The following TIAM2 variants were observed in gnomAD, a reference collection of about 807,000 sequenced individuals.
The protein encoded by TIAM2 is TIAM Rac1 associated GEF 2, also known as rho guanine nucleotide exchange factor TIAM2.
A neutral mutation model predicts 152.9 loss-of-function variants in TIAM2; 80 were observed. That is an observed-to-expected ratio of 0.52 (90% CI 0.44 to 0.63). The LOEUF is 0.63. Ranked by LOEUF, TIAM2 falls within the 30% of genes least tolerant of loss-of-function variation. The pLI, the probability that TIAM2 is intolerant of heterozygous loss-of-function variation, is 0.00. For synonymous variants in TIAM2, 804 were observed against 838.0 expected, an observed-to-expected ratio of 0.96 and a Z score of 0.70; for missense variants, 1,965 against 2,120.1, an observed-to-expected ratio of 0.93 and a Z score of 1.44.
intron 1 of TIAM2, among the ~76,000 whole-genome samples, chr6:155,063,988 G>A (rs1777639970): frequency 6.6e-6 from 1 of 152,100 alleles, no homozygotes; most frequent in Admixed American, 6.6e-5. Context: ...TTTATATGGA[G>A]TCCCGTATGA....
At chr6:155,110,918 C>T (rs1778832286) in intron 2 of TIAM2, among the ~76,000 whole-genome samples, 1 of 152,182 alleles carries the variant, frequency 6.6e-6, no homozygotes, top group Non-Finnish European at 1.5e-5. Context: ...ATTGTTCAAG[C>T]ACTGGAAAGT....
At chr6:155,146,753 C>T (rs1385356373) in intron 6 of TIAM2, among the ~76,000 whole-genome samples, 10 of 145,146 alleles carry the variant, frequency 6.9e-5, no homozygotes, top group East Asian at 2.0e-4. Flanking sequence ...AGGTGCCCGC[C>T]GCTATGCCTG....
chr6:155,081,070 G>A (rs956063293), intron 1 of TIAM2, among the ~76,000 whole-genome samples: 10 of 152,158 alleles, frequency 6.6e-5, no homozygotes, highest in East Asian at 1.9e-4. Flanking sequence ...TTAGTGAATC[G>A]TTAGCTTTTG....
At position 155,144,778 on chromosome 6, in the gene TIAM2, G is replaced by A; in HGVS notation, c.1803G>A (p.Gln601=). 3.7e-6 allele frequency: 6 copies of A among 1,603,280 alleles called. No homozygotes were observed. The highest frequency in any genetic ancestry group is 5.1e-6 in the Non-Finnish European group (6 of 1,176,824). The change falls in exon 6 of 27, where the codon CAG becomes CAA. Residue 601 remains glutamine (Q), a splice_region_variant and synonymous_variant. Coordinates refer to ENST00000682666, the MANE Select transcript of TIAM2 (RefSeq NM_012454.4). ...CCTTTGGAGATGTCTACCTTTTCCA[G>A]GTACTGCTGGTACTTTGTAAGTGGA... ...SNSFGDVYLF[Q]ATSQTDLENW...
At chr6:155,143,321 C>T in intron 5 of TIAM2, among the ~76,000 whole-genome samples, 1 of 152,160 alleles carries the variant, frequency 6.6e-6, no homozygotes, top group Non-Finnish European at 1.5e-5. Flanking sequence ...ATGAAGCAAA[C>T]TCTTAATAAC....
chr6:155,074,259 A>G (rs1050050384), intron 1 of TIAM2, among the ~76,000 whole-genome samples: 7 of 152,218 alleles, frequency 4.6e-5, no homozygotes, highest in Non-Finnish European at 1.0e-4. Context: ...TTTCCTTTGT[A>G]AAATAGTGCA....
intron 2 of TIAM2, among the ~76,000 whole-genome samples, chr6:155,103,555 C>T (rs9480053): frequency 6.6e-6 from 1 of 151,054 alleles, no homozygotes; most frequent in Non-Finnish European, 1.5e-5. Flanking sequence ...GAAACCCTGT[C>T]TCTTCTAAAA....
At chr6:155,221,610 C>T (rs1195224133) in intron 15 of TIAM2, among the ~76,000 whole-genome samples, 1 of 152,134 alleles carries the variant, frequency 6.6e-6, no homozygotes, top group African/African-American at 2.4e-5. Context: ...AGTCATCAGC[C>T]AGCTCCCTGC....
chr6:155,234,437 C>T (rs558335685), intron 15 of TIAM2, among the ~76,000 whole-genome samples: 2 of 152,314 alleles, frequency 1.3e-5, no homozygotes, highest in South Asian at 4.2e-4. Flanking sequence ...GCCAGCTAAT[C>T]TTTTTATCTT....
chr6:155,179,861 T>TC (rs1780854141), intron 12 of TIAM2, among the ~76,000 whole-genome samples: 1 of 152,176 alleles, frequency 6.6e-6, no homozygotes, highest in Non-Finnish European at 1.5e-5. Context: ...TCCTCTTTCT[T>TC]CCCCCATCCC....
At chr6:155,093,011 G>A (rs1408132519) in intron 2 of TIAM2, among the ~76,000 whole-genome samples, 2 of 152,132 alleles carry the variant, frequency 1.3e-5, no homozygotes, top group African/African-American at 4.8e-5. Flanking sequence ...CTTATAATAA[G>A]TTATACTTCT....
chr6:155,240,526 T>C lies in TIAM2; in HGVS notation c.3169-4T>C. ...ATTATTTTCCACCTCTTGTCCTCTC[T>C]CAGAGTGCTGAGCAGATCACTGCAC... On this transcript the variant is annotated splice_region_variant and splice_polypyrimidine_tract_variant and intron_variant, in intron 15 of 26. Coordinates refer to ENST00000682666, the MANE Select transcript of TIAM2 (RefSeq NM_012454.4). The C allele has an allele frequency of 6.2e-7, 1 of 1,602,080 alleles. No homozygotes were observed.
At chr6:155,108,607 T>C (rs1246871099) in intron 2 of TIAM2, among the ~76,000 whole-genome samples, 1 of 152,206 alleles carries the variant, frequency 6.6e-6, no homozygotes, top group Non-Finnish European at 1.5e-5. Context: ...GGAGTGACTT[T>C]CCAAAGCCCT....
intron 14 of TIAM2, among the ~76,000 whole-genome samples, chr6:155,207,375 G>C (rs1781621427): frequency 6.6e-6 from 1 of 152,216 alleles, no homozygotes. Flanking sequence ...GGCAGCTGTG[G>C]ACACTGTCCA....
intron 5 of TIAM2, among the ~76,000 whole-genome samples, chr6:155,140,461 A>C (rs7759406): frequency 2.0e-5 from 3 of 151,754 alleles, no homozygotes; most frequent in African/African-American, 7.3e-5. Flanking sequence ...ATTCTGTGAG[A>C]ATTTCTTCCC....
chr6:155,233,803 A>G (rs1047691525), intron 15 of TIAM2, among the ~76,000 whole-genome samples: 5 of 152,050 alleles, frequency 3.3e-5, no homozygotes, highest in African/African-American at 1.2e-4. Flanking sequence ...CTCTACTAAA[A>G]ATCAAAAGAA....
chr6:155,239,641 T>C (rs1782932223), intron 15 of TIAM2, among the ~76,000 whole-genome samples: 1 of 152,254 alleles, frequency 6.6e-6, no homozygotes, highest in Admixed American at 6.5e-5. Flanking sequence ...CAAAGGCCAG[T>C]GGTCCCCCCA....
rs1477668599 is a variant in TIAM2, at chr6:155,179,050, G to A, written c.2535G>A (p.Leu845=). 1 of 1,613,512 alleles carries A rather than the reference G, an allele frequency of 6.2e-7. No individual in the cohort carries two copies. Among genetic ancestry groups the A allele is most frequent in the Non-Finnish European group, 8.5e-7 (1 of 1,179,612 alleles). The change falls in exon 11 of 27, where the codon TTG becomes TTA. Residue 845 remains leucine (L), a synonymous_variant. Transcript: ENST00000682666. ...CTTTTTCTTTATAGATGAGGCAGTT[G>A]GAACCCAGCCATTATGGCCTACAGC... is the stretch of plus-strand genomic sequence containing the variant. ...ILTLACKMRQ[L]EPSHYGLQLR... is the part of the protein sequence containing the mutation.
chr6:155,031,221 CTT>C lies in TIAM2; in HGVS notation c.-209+35731_-209+35732del, dbSNP rs373188880. 8.7e-4 allele frequency among the ~76,000 whole-genome samples: 133 copies of C among 152,236 alleles called. 1 individual carries two copies. The highest frequency in any genetic ancestry group is 3.1e-3 in the African/African-American group (128 of 41,558). The stretch of plus-strand genomic sequence containing the variant: ...ACACCTATTCACTTCTTGTCAATTT[CTT>C]TGTTTTTAAAAGACTAAATACATAT... On this transcript the variant is annotated intron_variant, in intron 1 of 26. Coordinates refer to ENST00000682666, the MANE Select transcript of TIAM2 (RefSeq NM_012454.4).
Sources: allele counts gnomAD v4.1 joint callset (sites outside exome capture counted in the v4.1 genomes callset), GRCh38; gene constraint gnomAD v4.1.1; transcripts MANE v1.5; gene names NCBI Gene and HGNC (gene_info 2026-07-23, HGNC 2026-07-21).